The following THADA variants were observed in gnomAD, a reference collection of about 807,000 sequenced individuals.
THADA encodes the protein THADA armadillo repeat containing.
In THADA, 213 loss-of-function variants were observed where a neutral mutation model predicts 219.8. The observed-to-expected ratio is 0.97, with a 90% CI of 0.87 to 1.09. The LOEUF is 1.09. Among genes scored for constraint, THADA ranks in the 50% least tolerant of loss-of-function variants. THADA has a pLI of 0.00. For synonymous variants in THADA, 1,018 were observed against 828.9 expected (o/e 1.23, Z -3.92); for missense variants, 2,956 against 2,311.3 (o/e 1.28, Z -5.72).
chr2:43,391,636 C>A (rs925349989), intron 29 of THADA, among the ~76,000 whole-genome samples: 4 of 152,018 alleles, frequency 2.6e-5, no homozygotes, highest in Admixed American at 2.6e-4. Flanking sequence ...CTTCCCAATC[C>A]TTTTCACATC....
chr2:43,347,859 C>T (rs948781865), intron 29 of THADA, among the ~76,000 whole-genome samples: 24 of 152,160 alleles, frequency 1.6e-4, no homozygotes, highest in African/African-American at 5.3e-4. Context: ...TCTAGTCAGA[C>T]AAAGACCTTA....
At chr2:43,556,059 G>A (rs1444257690) in intron 17 of THADA, 5 of 616,214 alleles carry the variant, frequency 8.1e-6, no homozygotes, top group African/African-American at 4.1e-5. Flanking sequence ...TTTATGTAGG[G>A]AAAAAAGCAC....
At chr2:43,457,551 A>C (rs1683163834) in intron 26 of THADA, among the ~76,000 whole-genome samples, 1 of 152,208 alleles carries the variant, frequency 6.6e-6, no homozygotes, top group African/African-American at 2.4e-5. Context: ...CTAAATAAAA[A>C]CAATGAATTG....
At chr2:43,579,162 T>A (rs929956590) in intron 8 of THADA, among the ~76,000 whole-genome samples, 5 of 152,168 alleles carry the variant, frequency 3.3e-5, no homozygotes, top group African/African-American at 1.2e-4. Flanking sequence ...AGCATATAGA[T>A]ACTCAATAAA....
intron 28 of THADA, among the ~76,000 whole-genome samples, chr2:43,400,805 G>C (rs1001825763): frequency 6.6e-6 from 1 of 152,194 alleles, no homozygotes; most frequent in East Asian, 1.9e-4. Flanking sequence ...AATAGCATCA[G>C]TATACTCCAG....
rs200194716 is a variant in THADA, at chr2:43,352,927, T to A, written c.4228-8690A>T. Among the ~76,000 whole-genome samples, 24 of 152,228 alleles carry A rather than the reference T, an allele frequency of 1.6e-4. No individual in the cohort carries two copies. In the East Asian group the frequency reaches 3.9e-3, roughly 25 times the overall value. ...AACCCTGGTAACCACTAACCATGAG[T>A]TTATTCTCCCGTTCTATATATTTGA... On this transcript the variant is annotated intron_variant, in intron 29 of 37. Transcript: ENST00000405975.
At chr2:43,490,895 T>C (rs1389651236) in intron 25 of THADA, among the ~76,000 whole-genome samples, 2 of 152,166 alleles carry the variant, frequency 1.3e-5, no homozygotes, top group Non-Finnish European at 2.9e-5. Flanking sequence ...AGGGGAGTAC[T>C]GTAATTGATT....
chr2:43,428,288 T>A, intron 27 of THADA, 57 bp from the exon 28 acceptor site: 1 of 1,486,330 alleles, frequency 6.7e-7, no homozygotes, highest in Non-Finnish European at 9.1e-7. Flanking sequence ...GAAGCACTCC[T>A]CCTTCAAACA....
intron 28 of THADA, among the ~76,000 whole-genome samples, chr2:43,416,228 T>C (rs1676951169): frequency 6.6e-6 from 1 of 152,224 alleles, no homozygotes; most frequent in African/African-American, 2.4e-5. Flanking sequence ...CAGATTATTG[T>C]CTGAAAATAT....
At chr2:43,488,229 C>T (rs1236843947) in intron 25 of THADA, among the ~76,000 whole-genome samples, 5 of 152,088 alleles carry the variant, frequency 3.3e-5, no homozygotes, top group Non-Finnish European at 5.9e-5. Context: ...TTAAAGGATG[C>T]TATTCAGTGG....
In THADA at chr2:43,497,536, G is replaced by A. The variant is rs1688415476; in HGVS notation, c.3744+1297C>T. ...GAACAACACACACCAGGGCCTGTTG[G>A]AGTCAGGAAGGGAGGGAGAACATCA... On this transcript the variant is annotated intron_variant, in intron 25 of 37. Transcript: ENST00000405975. Among the ~76,000 whole-genome samples the A allele has an allele frequency of 3.3e-5, 5 of 152,234 alleles. No individual in the cohort carries two copies. In the South Asian group the frequency reaches 1.0e-3, roughly 32 times the overall value.
chr2:43,469,168 G>A (rs1034618890), intron 26 of THADA, among the ~76,000 whole-genome samples: 4 of 152,084 alleles, frequency 2.6e-5, no homozygotes, highest in Non-Finnish European at 4.4e-5. Context: ...AAAAGAGGAG[G>A]GACAGGCACT....
chr2:43,332,237 C>T (rs1665875112), intron 30 of THADA, among the ~76,000 whole-genome samples: 1 of 152,176 alleles, frequency 6.6e-6, no homozygotes, highest in Non-Finnish European at 1.5e-5. Context: ...AGGCCCATGC[C>T]ACCATGCTAA....
At chr2:43,440,623 A>C (rs568937108) in intron 26 of THADA, among the ~76,000 whole-genome samples, 14 of 152,276 alleles carry the variant, frequency 9.2e-5, no homozygotes, top group African/African-American at 3.1e-4. Context: ...GGGATCCCTG[A>C]GTATATTTGC....
intron 26 of THADA, among the ~76,000 whole-genome samples, chr2:43,432,729 G>A (rs1679529928): frequency 6.6e-6 from 1 of 152,128 alleles, no homozygotes; most frequent in Non-Finnish European, 1.5e-5. Context: ...TTGTGGGTAT[G>A]CAACAGTGTA....
intron 26 of THADA, among the ~76,000 whole-genome samples, chr2:43,447,150 C>A (rs894667695): frequency 6.6e-6 from 1 of 152,078 alleles, no homozygotes; most frequent in Non-Finnish European, 1.5e-5. Context: ...AAGAGCCAAG[C>A]AAAGGGAGAA....
At chr2:43,434,777 C>T (rs908255648) in intron 26 of THADA, among the ~76,000 whole-genome samples, 31 of 152,318 alleles carry the variant, frequency 2.0e-4, no homozygotes, top group African/African-American at 7.2e-4. Flanking sequence ...TCAAATTCTT[C>T]CGGTATATCA....
At chr2:43,381,583 CTT>C (rs758714440) in intron 29 of THADA, among the ~76,000 whole-genome samples, 4 of 141,348 alleles carry the variant, frequency 2.8e-5, no homozygotes, top group East Asian at 2.0e-4. Flanking sequence ...AGTGATAAGT[CTT>C]TTTTTTTTTT....
At chr2:43,495,714 A>C (rs1383958154) in intron 25 of THADA, among the ~76,000 whole-genome samples, 1 of 152,184 alleles carries the variant, frequency 6.6e-6, no homozygotes, top group Non-Finnish European at 1.5e-5. Flanking sequence ...AAGTCCTTTC[A>C]CGGAAAATAT....
Sources: allele counts gnomAD v4.1 joint callset (sites outside exome capture counted in the v4.1 genomes callset), GRCh38; gene constraint gnomAD v4.1.1; transcripts MANE v1.5; gene names NCBI Gene and HGNC (gene_info 2026-07-23, HGNC 2026-07-21).